Variants in TSPEAR observed in about 807,000 individuals in gnomAD.
TSPEAR encodes thrombospondin type laminin G domain and EAR repeats.
In TSPEAR, 69 loss-of-function variants were observed where a neutral mutation model predicts 71.6. The ratio of observed to expected loss-of-function variants is 0.96; its 90% confidence interval spans 0.79 to 1.18. TSPEAR has a LOEUF of 1.18. Ranked by LOEUF, TSPEAR falls within the 50% of genes most tolerant of loss-of-function variation. TSPEAR has a pLI of 0.00. For synonymous variants in TSPEAR, 402 were observed against 387.2 expected (o/e 1.04, Z -0.45); for missense variants, 971 against 894.9 (o/e 1.09, Z -1.09).
At chr21:44,621,263 G>A (rs1982414154) in intron 1 of TSPEAR, among the ~76,000 whole-genome samples, 1 of 152,094 alleles carries the variant, frequency 6.6e-6, no homozygotes, top group South Asian at 2.1e-4. Context: ...TAGAGAGAAT[G>A]GCTTATTGAA....
At chr21:44,675,935 A>C in intron 1 of TSPEAR, 2 of 800,998 alleles carry the variant, frequency 2.5e-6, no homozygotes, top group East Asian at 4.9e-5. Flanking sequence ...GATTTCCATT[A>C]TCTGTTTCGT....
At chr21:44,561,470 T>C (rs2053631734) in intron 2 of TSPEAR, among the ~76,000 whole-genome samples, 1 of 152,196 alleles carries the variant, frequency 6.6e-6, no homozygotes, top group Non-Finnish European at 1.5e-5. Context: ...GACTCCTCCC[T>C]AACTGATTTT....
intron 1 of TSPEAR, chr21:44,677,520 A>G (rs1555947112): frequency 3.7e-6 from 3 of 821,564 alleles, no homozygotes; most frequent in East Asian, 2.5e-5. Context: ...GCAAGCTGCA[A>G]TTTCTTCACA....
At chr21:44,658,068 G>A (rs367803892) in intron 1 of TSPEAR, 3 of 1,613,878 alleles carry the variant, frequency 1.9e-6, no homozygotes, top group South Asian at 2.2e-5. Flanking sequence ...CCCGTGAGCT[G>A]CCAGTCCTCC....
At chr21:44,675,404 A>G (rs1986261600) in intron 1 of TSPEAR, among the ~76,000 whole-genome samples, 1 of 152,228 alleles carries the variant, frequency 6.6e-6, no homozygotes, top group Admixed American at 6.5e-5. Flanking sequence ...TCAACAAACC[A>G]TGTACAGAAG....
chr21:44,513,697 C>A (rs587638956), intron 9 of TSPEAR, among the ~76,000 whole-genome samples: 28 of 152,176 alleles, frequency 1.8e-4, no homozygotes, highest in Non-Finnish European at 3.2e-4. Flanking sequence ...AGTTGCTGGG[C>A]AAAGAGGCCC....
intron 1 of TSPEAR, among the ~76,000 whole-genome samples, chr21:44,571,073 A>G (rs933678102): frequency 7.2e-5 from 11 of 152,262 alleles, no homozygotes; most frequent in African/African-American, 2.7e-4. Context: ...CATCTCTTTC[A>G]GAAGATAGAA....
intron 2 of TSPEAR, among the ~76,000 whole-genome samples, chr21:44,561,828 T>A (rs782310695): frequency 6.6e-6 from 1 of 152,178 alleles, no homozygotes; most frequent in Admixed American, 6.5e-5. Context: ...ATAGAACATA[T>A]CTCAAAATAA....
At chr21:44,568,938 G>A (rs944437487) in intron 1 of TSPEAR, among the ~76,000 whole-genome samples, 5 of 152,122 alleles carry the variant, frequency 3.3e-5, no homozygotes, top group African/African-American at 4.8e-5. Flanking sequence ...CATCCTGGCC[G>A]GCATTGTGTA....
intron 1 of TSPEAR, among the ~76,000 whole-genome samples, chr21:44,624,863 T>A (rs1031877376): frequency 7.2e-5 from 11 of 152,212 alleles, no homozygotes; most frequent in Non-Finnish European, 1.6e-4. Context: ...TCTGTGCACT[T>A]TCCCTCTAAT....
chr21:44,677,256 T>G (rs1290396825), intron 1 of TSPEAR: 1 of 726,034 alleles, frequency 1.4e-6, no homozygotes, highest in African/African-American at 1.7e-5. Flanking sequence ...ATTGGCAGCT[T>G]CATCTACTGC....
At position 44,638,281 on chromosome 21, in the gene TSPEAR, C is replaced by A. The variant is rs918191953; in HGVS notation, c.83-70276G>T. On this transcript the variant is annotated intron_variant, in intron 1 of 11. Coordinates refer to ENST00000323084, the MANE Select transcript of TSPEAR (RefSeq NM_144991.3). ...TGACACCCTCAGAAGGTGGGGCAGG[C>A]TCTTTGTCTTGGGGACCAGGATGCT... 65 of 1,440,562 alleles carry A rather than the reference C, an allele frequency of 4.5e-5. 1 individual carries two copies. In the African/African-American group the frequency reaches 9.2e-4, roughly 20 times the overall value. The allele number at this position is 1,440,562 out of a possible 1,614,324, so 89.2% of individuals were successfully genotyped here. A position where few individuals can be genotyped will look rare whatever the true frequency, so the allele number is the denominator to read the frequency against.
At chr21:44,677,638 C>A in intron 1 of TSPEAR, 4 of 1,193,622 alleles carry the variant, frequency 3.4e-6, no homozygotes, top group Non-Finnish European at 5.0e-6. Context: ...TCATGCTGAA[C>A]CCCAGGGACC....
intron 1 of TSPEAR, among the ~76,000 whole-genome samples, chr21:44,685,216 C>T (rs1601564596): frequency 6.6e-6 from 1 of 152,164 alleles, no homozygotes; most frequent in Non-Finnish European, 1.5e-5. Context: ...CAGAGGGTGC[C>T]CCTGGGAGCT....
chr21:44,626,788 C>T (rs1235068888), intron 1 of TSPEAR, among the ~76,000 whole-genome samples: 3 of 152,078 alleles, frequency 2.0e-5, no homozygotes, highest in Non-Finnish European at 2.9e-5. Context: ...GGACGATGCC[C>T]CAGCAACCAA....
intron 10 of TSPEAR, among the ~76,000 whole-genome samples, chr21:44,505,554 A>ACCCCCCCCCCCCCACCCCCCC (rs1555911793): frequency 1.4e-4 from 1 of 7,032 alleles, no homozygotes. Flanking sequence ...AGTAAACATC[A>ACCCCCCCCCCCCCACCCCCCC]CCCCCTCCCC....
At chr21:44,518,731 A>G in intron 9 of TSPEAR, 1 of 469,434 alleles carries the variant, frequency 2.1e-6, no homozygotes, top group Non-Finnish European at 4.4e-6. Context: ...TTCTTTCAGG[A>G]TAAAGCCTCA....
intron 1 of TSPEAR, chr21:44,627,501 C>T (rs8126553): frequency 0.74 from 1,187,577 of 1,613,124 alleles, 439,203 homozygotes; most frequent in African/African-American, 0.89. Context: ...CTGTGTGCTG[C>T]GTGCCCGTCT....
intron 2 of TSPEAR, among the ~76,000 whole-genome samples, chr21:44,537,320 G>A (rs1269779106): frequency 6.6e-6 from 1 of 152,164 alleles, no homozygotes; most frequent in Non-Finnish European, 1.5e-5. Flanking sequence ...TACTGGAAAA[G>A]CTTTCTAAAA....
Sources: gnomAD v4.1 joint callset for allele counts (sites outside exome capture counted in the v4.1 genomes callset) on GRCh38, gnomAD v4.1.1 for gene constraint, MANE v1.5 for transcripts, NCBI Gene and HGNC (gene_info 2026-07-23, HGNC 2026-07-21) for gene names.